The following PDE7B variants were observed in gnomAD, a reference collection of about 807,000 sequenced individuals.
PDE7B encodes the protein phosphodiesterase 7B.
PDE7B carries 29 observed loss-of-function variants against 56.2 expected under a neutral mutation model. That is an observed-to-expected ratio of 0.52 (90% CI 0.38 to 0.70). PDE7B has a LOEUF of 0.70. Among genes scored for constraint, PDE7B ranks in the 30% least tolerant of loss-of-function variants. The pLI, the probability that PDE7B is intolerant of heterozygous loss-of-function variation, is 0.00. For missense variants in PDE7B, 490 were observed against 565.0 expected (o/e 0.87, Z 1.35); for synonymous variants, 197 against 196.9 (o/e 1.00, Z 0.00).
intron 2 of PDE7B, among the ~76,000 whole-genome samples, chr6:136,003,718 C>G (rs112811300): frequency 6.5e-4 from 92 of 141,650 alleles, no homozygotes; most frequent in South Asian, 2.5e-3. Context: ...CAATAGCTTA[C>G]CAACAAAAAA....
chr6:136,013,365 T>C (rs995311180), intron 2 of PDE7B, among the ~76,000 whole-genome samples: 1 of 152,238 alleles, frequency 6.6e-6, no homozygotes, highest in Non-Finnish European at 1.5e-5. Flanking sequence ...GGTGTTCCTC[T>C]TTCTTTCCAA....
Position 136,187,079 on chromosome 6 carries a change from T to C in PDE7B, c.1089T>C (p.Cys363=), listed in dbSNP as rs1198825707. ...TTGAACTGGAAATCAGTCCTCTTTG[T>C]AATCAACAGAAAGATTCCATCCCTA... ...QKFELEISPL[C]NQQKDSIPSI... Residue 363 remains cysteine (C), a synonymous_variant, in exon 12 of 13, where the codon TGT becomes TGC. Transcript: ENST00000308191. The C allele has an allele frequency of 1.2e-5, 19 of 1,588,522 alleles. No homozygotes were observed. In the Admixed American group the frequency reaches 2.7e-4, roughly 22 times the overall value.
chr6:135,916,022 C>T (rs1773926373), intron 1 of PDE7B, among the ~76,000 whole-genome samples: 1 of 152,158 alleles, frequency 6.6e-6, no homozygotes, highest in Admixed American at 6.5e-5. Context: ...CATTTTTGTG[C>T]AAGGATTTTT....
chr6:135,953,485 A>G (rs868468456), intron 2 of PDE7B, among the ~76,000 whole-genome samples: 4 of 152,172 alleles, frequency 2.6e-5, no homozygotes, highest in African/African-American at 9.7e-5. Flanking sequence ...ATAATAAGCA[A>G]TAATAACAAT....
intron 2 of PDE7B, among the ~76,000 whole-genome samples, chr6:136,088,679 T>C (rs1159099234): frequency 4.6e-5 from 7 of 152,138 alleles, no homozygotes; most frequent in Non-Finnish European, 8.8e-5. Context: ...GACAGTAGGC[T>C]GGGGGGATAG....
intron 3 of PDE7B, among the ~76,000 whole-genome samples, chr6:136,142,037 T>C (rs536852927): frequency 2.0e-5 from 3 of 152,338 alleles, no homozygotes; most frequent in South Asian, 2.1e-4. Context: ...GTTCTTTTAA[T>C]TGTGATGTTA....
At chr6:135,977,140 C>CAA (rs1451451105) in intron 2 of PDE7B, among the ~76,000 whole-genome samples, 13 of 152,244 alleles carry the variant, frequency 8.5e-5, no homozygotes, top group African/African-American at 3.1e-4. Flanking sequence ...TCTATATCAT[C>CAA]TGGTCCAAAG....
chr6:135,946,367 C>G (rs1207090342), intron 1 of PDE7B, among the ~76,000 whole-genome samples: 3 of 150,442 alleles, frequency 2.0e-5, no homozygotes, highest in Admixed American at 6.6e-5. Context: ...ACTTATTTGT[C>G]TGTTTTGTAC....
intron 1 of PDE7B, among the ~76,000 whole-genome samples, chr6:135,902,664 G>T (rs1279684741): frequency 6.6e-6 from 1 of 152,102 alleles, no homozygotes; most frequent in Non-Finnish European, 1.5e-5. Flanking sequence ...CTTCAGTCCT[G>T]CAATTGATCT....
At chr6:136,054,520 A>G (rs576829029) in intron 2 of PDE7B, among the ~76,000 whole-genome samples, 20 of 152,250 alleles carry the variant, frequency 1.3e-4, no homozygotes, top group African/African-American at 4.6e-4. Flanking sequence ...TTGGCTTAGG[A>G]TTGACTTGGC....
chr6:135,870,652 G>C (rs560007459), intron 1 of PDE7B, among the ~76,000 whole-genome samples: 35 of 152,118 alleles, frequency 2.3e-4, no homozygotes, highest in Non-Finnish European at 1.0e-4. Flanking sequence ...GATCAGTTTG[G>C]AGGAGGGGAG....
intron 2 of PDE7B, among the ~76,000 whole-genome samples, chr6:136,033,416 C>A (rs1002509539): frequency 6.6e-6 from 1 of 152,178 alleles, no homozygotes; most frequent in African/African-American, 2.4e-5. Flanking sequence ...GTCACTCACA[C>A]TGAAAACCAG....
At chr6:136,158,196 C>G (rs775780356) in intron 8 of PDE7B, among the ~76,000 whole-genome samples, 4 of 152,134 alleles carry the variant, frequency 2.6e-5, no homozygotes, top group Non-Finnish European at 5.9e-5. Context: ...TGCTGAGACA[C>G]AAATGGGCTT....
At chr6:136,173,462 G>A (rs532436951) in intron 8 of PDE7B, among the ~76,000 whole-genome samples, 71 of 152,214 alleles carry the variant, frequency 4.7e-4, no homozygotes, top group Non-Finnish European at 9.3e-4. Context: ...GTAGAAAGCT[G>A]TCACTGCTTC....
chr6:136,148,637 G>T (rs1047436058), intron 4 of PDE7B, among the ~76,000 whole-genome samples: 1 of 152,142 alleles, frequency 6.6e-6, no homozygotes, highest in East Asian at 1.9e-4. Flanking sequence ...ATGTTTGCTT[G>T]TTTGTTGAGA....
chr6:136,190,191 A>C (rs1490537466), intron 12 of PDE7B, among the ~76,000 whole-genome samples: 1 of 152,198 alleles, frequency 6.6e-6, no homozygotes, highest in South Asian at 2.1e-4. Flanking sequence ...AGAAAATTCA[A>C]GAACAGCAAG....
intron 2 of PDE7B, among the ~76,000 whole-genome samples, chr6:135,970,479 C>A (rs1164572705): frequency 6.6e-6 from 1 of 152,098 alleles, no homozygotes; most frequent in Non-Finnish European, 1.5e-5. Context: ...CTTTAACATG[C>A]ATGCAAATCA....
chr6:136,108,941 C>A, intron 3 of PDE7B, 127 bp downstream of exon 3: 1 of 689,028 alleles, frequency 1.5e-6, no homozygotes. Flanking sequence ...TCTCTTCTGC[C>A]AACTAGAACT....
intron 3 of PDE7B, among the ~76,000 whole-genome samples, chr6:136,144,974 A>G (rs1396663811): frequency 2.0e-5 from 3 of 152,070 alleles, no homozygotes. Flanking sequence ...TTCTTCTCCA[A>G]TTAATAAGTC....
Sources: allele counts gnomAD v4.1 joint callset (sites outside exome capture counted in the v4.1 genomes callset), GRCh38; gene constraint gnomAD v4.1.1; transcripts MANE v1.5; gene names NCBI Gene and HGNC (gene_info 2026-07-23, HGNC 2026-07-21).